The following CLIC5 variants were observed in gnomAD, a reference collection of about 807,000 sequenced individuals.
CLIC5 encodes the protein chloride intracellular channel protein 5.
A neutral mutation model predicts 24.7 loss-of-function variants in CLIC5; 20 were observed. That is an observed-to-expected ratio of 0.81 (90% CI 0.57 to 1.18). The LOEUF (loss-of-function observed/expected upper bound fraction) is 1.18, where lower values mean the gene tolerates loss of function less well. Ranked by LOEUF, CLIC5 falls within the 50% of genes most tolerant of loss-of-function variation. The pLI, the probability that CLIC5 is intolerant of heterozygous loss-of-function variation, is 0.00. For synonymous variants in CLIC5, 159 were observed against 135.6 expected (o/e 1.17, Z -1.20); for missense variants, 341 against 326.1 (o/e 1.05, Z -0.35).
At chr6:46,114,811 T>C in the CLIC5 span, among the ~76,000 whole-genome samples, 2 of 152,122 alleles carry the variant, frequency 1.3e-5, no homozygotes, top group Non-Finnish European at 2.9e-5. Flanking sequence ...CTCTGAGAGG[T>C]CCTGCATGTG....
rs1762320416 is a variant in CLIC5, at chr6:45,888,048, T to C, written c.624-6860A>G. 5.9e-5 allele frequency among the ~76,000 whole-genome samples: 9 copies of C among 152,326 alleles called. No individual in the cohort carries two copies. In the South Asian group the frequency reaches 1.7e-3, roughly 28 times the overall value. ...ATATAGTGTATGACCCTAAAATTTCTGGAAGGTCCAAGTAATGGGAGAATG... is the reference window on the plus strand; with the variant it reads ...ATATAGTGTATGACCCTAAAATTTCCGGAAGGTCCAAGTAATGGGAGAATG... On this transcript the variant is annotated intron_variant, in intron 6 of 6. Transcript: ENST00000644324.
intron 1 of CLIC5, among the ~76,000 whole-genome samples, chr6:45,955,859 T>C (rs1005190775): frequency 2.0e-5 from 3 of 152,084 alleles, no homozygotes; most frequent in Non-Finnish European, 4.4e-5. Context: ...TTCTGGCTAG[T>C]ACTTGGCCTT....
chr6:46,111,181 C>CTTTT, the CLIC5 span, among the ~76,000 whole-genome samples: 6 of 143,140 alleles, frequency 4.2e-5, no homozygotes, highest in African/African-American at 7.7e-5. Flanking sequence ...CAAACCTGTC[C>CTTTT]TTTTTTTTTT....
At chr6:46,010,600 A>T (rs1285868823) in intron 1 of CLIC5, among the ~76,000 whole-genome samples, 2 of 152,198 alleles carry the variant, frequency 1.3e-5, no homozygotes, top group African/African-American at 4.8e-5. Context: ...GGGGGCCAAT[A>T]AATGCCCAAA....
At chr6:45,986,590 T>C (rs1173450648) in intron 1 of CLIC5, among the ~76,000 whole-genome samples, 2 of 152,200 alleles carry the variant, frequency 1.3e-5, no homozygotes, top group African/African-American at 4.8e-5. Context: ...GAAGGCCTTC[T>C]TTAAACTTTT....
At chr6:45,952,326 T>C (rs931845070) in intron 2 of CLIC5, among the ~76,000 whole-genome samples, 1 of 152,248 alleles carries the variant, frequency 6.6e-6, no homozygotes, top group Admixed American at 6.5e-5. Flanking sequence ...GTATGATTTA[T>C]GAATTATGTA....
At chr6:46,087,363 T>C in the CLIC5 span, among the ~76,000 whole-genome samples, 1 of 152,172 alleles carries the variant, frequency 6.6e-6, no homozygotes, top group Admixed American at 6.5e-5. Context: ...ATAAACTTAA[T>C]AAAGAAATTG....
intron 5 of CLIC5, among the ~76,000 whole-genome samples, chr6:45,910,134 C>CT (rs199987294): frequency 2.0e-4 from 30 of 151,302 alleles, no homozygotes; most frequent in South Asian, 8.4e-4. Context: ...TTTCAGTACC[C>CT]TTTTTTTTTC....
At chr6:45,941,445 T>C in intron 4 of CLIC5, 102 bp downstream of exon 4, 1 of 900,570 alleles carries the variant, frequency 1.1e-6, no homozygotes. Context: ...TTCCAGATGC[T>C]TCTCTGGCCC....
chr6:46,006,887 G>A (rs1377991555), intron 1 of CLIC5, among the ~76,000 whole-genome samples: 1 of 151,898 alleles, frequency 6.6e-6, no homozygotes, highest in Non-Finnish European at 1.5e-5. Context: ...ATGTTGGCCA[G>A]GATGGTCTCG....
intron 1 of CLIC5, among the ~76,000 whole-genome samples, chr6:45,980,617 G>T (rs1581820281): frequency 6.6e-6 from 1 of 151,346 alleles, no homozygotes; most frequent in Non-Finnish European, 1.5e-5. Flanking sequence ...ACAAAGAAAA[G>T]AATACTTAAT....
chr6:46,125,361 G>A, the CLIC5 span, among the ~76,000 whole-genome samples: 1 of 152,072 alleles, frequency 6.6e-6, no homozygotes, highest in South Asian at 2.1e-4. Flanking sequence ...TCACTCATAG[G>A]TGGGAATTGA....
At chr6:46,010,944 C>T (rs1403603612) in intron 1 of CLIC5, among the ~76,000 whole-genome samples, 1 of 152,172 alleles carries the variant, frequency 6.6e-6, no homozygotes, top group Non-Finnish European at 1.5e-5. Flanking sequence ...ACCAGGCAGT[C>T]ACAGTAGCTC....
intron 1 of CLIC5, among the ~76,000 whole-genome samples, chr6:46,028,336 C>T (rs1394511171): frequency 6.6e-6 from 1 of 152,248 alleles, no homozygotes; most frequent in Admixed American, 6.5e-5. Context: ...CAGCATCACT[C>T]ATCCCTTCTC....
chr6:46,048,178 T>A (rs779551804), intron 1 of CLIC5, among the ~76,000 whole-genome samples: 1 of 152,158 alleles, frequency 6.6e-6, no homozygotes, highest in Admixed American at 6.5e-5. Context: ...AATTTTTGTA[T>A]TTTTACTAGA....
At chr6:45,939,217 C>CTTTTTTTTTT in intron 4 of CLIC5, among the ~76,000 whole-genome samples, 1 of 115,790 alleles carries the variant, frequency 8.6e-6, no homozygotes, top group Non-Finnish European at 1.7e-5. Context: ...CTCCTCTCCT[C>CTTTTTTTTTT]TTTTTTTTTT....
chr6:46,043,668 A>AAC (rs200681927), intron 1 of CLIC5, among the ~76,000 whole-genome samples: 3 of 152,174 alleles, frequency 2.0e-5, no homozygotes, highest in South Asian at 2.1e-4. Context: ...CAGTTCAGGC[A>AAC]ACACACACAC....
chr6:45,946,862 C>T (rs958939834), intron 3 of CLIC5, among the ~76,000 whole-genome samples: 2 of 152,210 alleles, frequency 1.3e-5, no homozygotes, highest in Admixed American at 6.5e-5. Flanking sequence ...CCTTGGTAGG[C>T]TTCTGGAGAT....
intron 4 of CLIC5, among the ~76,000 whole-genome samples, chr6:45,940,571 A>T (rs557230785): frequency 6.6e-6 from 1 of 152,308 alleles, no homozygotes; most frequent in South Asian, 2.1e-4. Flanking sequence ...GGCATCTAGC[A>T]TCTATTCCCT....
Sources: gnomAD v4.1 joint callset for allele counts (sites outside exome capture counted in the v4.1 genomes callset) on GRCh38, gnomAD v4.1.1 for gene constraint, MANE v1.5 for transcripts, NCBI Gene and HGNC (gene_info 2026-07-23, HGNC 2026-07-21) for gene names.